CCDC148: variants seen among roughly 807,000 people sequenced by gnomAD.
CCDC148 encodes coiled-coil domain containing 148.
CCDC148 carries 89 observed loss-of-function variants against 85.7 expected under a neutral mutation model. That is an observed-to-expected ratio of 1.04 (90% CI 0.87 to 1.24). CCDC148 has a LOEUF of 1.24. CCDC148 is among the 50% of genes most tolerant of loss of function. The pLI, the probability that CCDC148 is intolerant of heterozygous loss-of-function variation, is 0.00. For synonymous variants in CCDC148, 230 were observed against 213.9 expected (o/e 1.08, Z -0.66); for missense variants, 692 against 671.7 (o/e 1.03, Z -0.33).
intron 9 of CCDC148, among the ~76,000 whole-genome samples, chr2:158,290,288 G>A (rs910764452): frequency 6.6e-6 from 1 of 152,192 alleles, no homozygotes; most frequent in African/African-American, 2.4e-5. Flanking sequence ...CACATTGTCA[G>A]TATACAATCA....
At chr2:158,257,153 T>C (rs1689046069) in intron 9 of CCDC148, among the ~76,000 whole-genome samples, 1 of 151,724 alleles carries the variant, frequency 6.6e-6, no homozygotes, top group Non-Finnish European at 1.5e-5. Context: ...TGATCCCTGC[T>C]TTCCTCAGTC....
chr2:158,242,000 T>C (rs1688370373), intron 10 of CCDC148, among the ~76,000 whole-genome samples: 1 of 152,186 alleles, frequency 6.6e-6, no homozygotes, highest in Admixed American at 6.6e-5. Flanking sequence ...TAGGATGTAC[T>C]TACTAATGAG....
chr2:158,449,117 T>C (rs1688285749), intron 1 of CCDC148, among the ~76,000 whole-genome samples: 1 of 152,204 alleles, frequency 6.6e-6, no homozygotes, highest in Admixed American at 6.5e-5. Flanking sequence ...TGAGCCACCG[T>C]GCCCGACCGG....
rs544362076 is a variant in CCDC148 at position 158,225,751 on chromosome 2, A to C, written c.1252-5038T>G. Among the ~76,000 whole-genome samples, 231 of 152,322 alleles carry C rather than the reference A, an allele frequency of 1.5e-3. 2 individuals are homozygous for C. The highest frequency in any genetic ancestry group is 5.1e-3 in the African/African-American group (211 of 41,566). ...AGGCAGAAATAAAGATGTTCTTTGA[A>C]ACCAATGAGAACAAAGACACAACAT... is the stretch of plus-strand genomic sequence containing the variant. On this transcript the variant is annotated intron_variant, in intron 10 of 13. Coordinates refer to ENST00000283233, the MANE Select transcript of CCDC148 (RefSeq NM_138803.4).
intron 11 of CCDC148, among the ~76,000 whole-genome samples, chr2:158,179,284 G>A (rs775695541): frequency 2.1e-5 from 3 of 141,034 alleles, no homozygotes; most frequent in Non-Finnish European, 4.5e-5. Flanking sequence ...TCAGCCTCCC[G>A]AGTAGCTGGG....
intron 11 of CCDC148, among the ~76,000 whole-genome samples, chr2:158,211,187 T>TAA (rs144016017): frequency 4.7e-5 from 7 of 150,088 alleles, no homozygotes; most frequent in African/African-American, 1.7e-4. Flanking sequence ...AGTATAATAA[T>TAA]AAAAAAAAAG....
rs369986193 is a variant in CCDC148 at position 158,276,649 on chromosome 2, C to T, written c.1111-25737G>A. ...TTTAAGACTGGGCATGAAGTTATCA[C>T]ATTAAGTGAGCTGAAACTCCATTCA... On this transcript the variant is annotated intron_variant, in intron 9 of 13. Coordinates refer to ENST00000283233, the MANE Select transcript of CCDC148 (RefSeq NM_138803.4). 6.6e-5 allele frequency among the ~76,000 whole-genome samples: 10 copies of T among 152,246 alleles called. No homozygotes were observed. The South Asian group carries it at 1.7e-3, about 25-fold the overall frequency.
At chr2:158,194,942 T>G (rs1214537649) in intron 11 of CCDC148, among the ~76,000 whole-genome samples, 1 of 151,972 alleles carries the variant, frequency 6.6e-6, no homozygotes, top group East Asian at 1.9e-4. Context: ...TAATTGTGCA[T>G]GTCCCATAAC....
chr2:158,450,754 C>T (rs1688373502), intron 1 of CCDC148, among the ~76,000 whole-genome samples: 1 of 152,038 alleles, frequency 6.6e-6, no homozygotes, highest in East Asian at 1.9e-4. Context: ...TGTCTTTCAG[C>T]AGGCTAAGAT....
At chr2:158,298,011 A>G (rs1349663103) in intron 9 of CCDC148, among the ~76,000 whole-genome samples, 3 of 152,234 alleles carry the variant, frequency 2.0e-5, no homozygotes, top group Non-Finnish European at 4.4e-5. Flanking sequence ...CATGGCTGGG[A>G]GTCCTCAGGA....
chr2:158,362,304 G>A (rs1683988249), intron 1 of CCDC148, among the ~76,000 whole-genome samples: 1 of 152,152 alleles, frequency 6.6e-6, no homozygotes, highest in Non-Finnish European at 1.5e-5. Context: ...CTTGAACTCA[G>A]CTCTGGATCA....
chr2:158,263,111 T>A (rs1278395143), intron 9 of CCDC148, among the ~76,000 whole-genome samples: 2 of 152,020 alleles, frequency 1.3e-5, no homozygotes, highest in Non-Finnish European at 2.9e-5. Context: ...GTCATGAAGG[T>A]TTCACACAGC....
chr2:158,177,986 C>T (rs192600538), intron 12 of CCDC148: 15 of 152,230 alleles, frequency 9.9e-5, no homozygotes, highest in African/African-American at 7.2e-5. Flanking sequence ...GAGGGCTTTA[C>T]ACTTAGTAAA....
intron 11 of CCDC148, among the ~76,000 whole-genome samples, chr2:158,214,062 A>G (rs1426429686): frequency 6.6e-6 from 1 of 151,020 alleles, no homozygotes; most frequent in African/African-American, 2.4e-5. Flanking sequence ...GGATGGCTAG[A>G]AAGGAACTTG....
At chr2:158,191,630 G>A (rs2105273358) in intron 11 of CCDC148, among the ~76,000 whole-genome samples, 1 of 152,080 alleles carries the variant, frequency 6.6e-6, no homozygotes, top group African/African-American at 2.4e-5. Flanking sequence ...TATTGGGTGT[G>A]ACTTTTTCTA....
chr2:158,312,939 T>G (rs528717531), intron 8 of CCDC148, among the ~76,000 whole-genome samples: 1 of 152,338 alleles, frequency 6.6e-6, no homozygotes, highest in South Asian at 2.1e-4. Flanking sequence ...TCAAGGAGTT[T>G]CCACGTGATT....
chr2:158,227,663 A>G (rs1226933048), intron 10 of CCDC148, among the ~76,000 whole-genome samples: 3 of 152,230 alleles, frequency 2.0e-5, no homozygotes, highest in African/African-American at 7.2e-5. Flanking sequence ...CATATCTACA[A>G]CCATCTGATC....
intron 7 of CCDC148, among the ~76,000 whole-genome samples, chr2:158,323,919 C>CA (rs1553505007): frequency 2.4e-5 from 2 of 82,970 alleles, no homozygotes; most frequent in Non-Finnish European, 4.8e-5. Context: ...CTGGGAATAA[C>CA]TTTTTTTTTT....
At chr2:158,220,334 G>A (rs1687108279) in intron 11 of CCDC148, among the ~76,000 whole-genome samples, 1 of 152,160 alleles carries the variant, frequency 6.6e-6, no homozygotes, top group South Asian at 2.1e-4. Flanking sequence ...CACACAGTGG[G>A]TAATCAAATA....
Sources: gnomAD v4.1 joint callset for allele counts (sites outside exome capture counted in the v4.1 genomes callset) on GRCh38, gnomAD v4.1.1 for gene constraint, MANE v1.5 for transcripts, NCBI Gene and HGNC (gene_info 2026-07-23, HGNC 2026-07-21) for gene names.